Variants in MCC observed in about 807,000 individuals in gnomAD.
MCC encodes colorectal mutant cancer protein.
In MCC, 90 loss-of-function variants were observed where a neutral mutation model predicts 116.2. The ratio of observed to expected loss-of-function variants is 0.77; its 90% CI spans 0.65 to 0.92. MCC has a LOEUF of 0.92. Among genes scored for constraint, MCC ranks in the 40% least tolerant of loss-of-function variants. The probability of loss-of-function intolerance (pLI) is 0.00; values close to 1 mark genes in which losing one functional copy is unlikely to be tolerated. For synonymous variants in MCC, 578 were observed against 510.5 expected, an observed-to-expected ratio of 1.13 and a Z score of -1.78; for missense variants, 1,516 against 1,312.2, an observed-to-expected ratio of 1.16 and a Z score of -2.40.
At chr5:113,280,165 A>C (rs1018754847) in intron 3 of MCC, among the ~76,000 whole-genome samples, 5 of 152,104 alleles carry the variant, frequency 3.3e-5, no homozygotes, top group African/African-American at 1.2e-4. Context: ...CTCCAACCCC[A>C]GTTGTACTGG....
At chr5:113,364,789 G>C (rs1160773705) in intron 2 of MCC, among the ~76,000 whole-genome samples, 1 of 152,194 alleles carries the variant, frequency 6.6e-6, no homozygotes, top group Non-Finnish European at 1.5e-5. Flanking sequence ...CCATGTAGAA[G>C]CCACCAAGGC....
At chr5:113,124,976 A>C (rs1757960652) in intron 5 of MCC, among the ~76,000 whole-genome samples, 1 of 152,220 alleles carries the variant, frequency 6.6e-6, no homozygotes, top group Non-Finnish European at 1.5e-5. Flanking sequence ...ACCTAATTTC[A>C]GTTACGTCAC....
intron 1 of MCC, among the ~76,000 whole-genome samples, chr5:113,431,102 G>A (rs571482574): frequency 3.3e-5 from 5 of 152,144 alleles, no homozygotes; most frequent in Admixed American, 6.5e-5. Flanking sequence ...TATCTGCTGA[G>A]GGAGAAAGGA....
At chr5:113,327,344 C>T (rs111317274) in intron 3 of MCC, among the ~76,000 whole-genome samples, 2 of 151,402 alleles carry the variant, frequency 1.3e-5, no homozygotes, top group African/African-American at 4.9e-5. Flanking sequence ...GTCAGGAGTT[C>T]GAGAGCAGAC....
intron 3 of MCC, among the ~76,000 whole-genome samples, chr5:113,160,399 G>C (rs748182083): frequency 2.3e-4 from 35 of 152,214 alleles, no homozygotes; most frequent in Non-Finnish European, 4.0e-4. Context: ...CTATGTGCTA[G>C]ATTGCTATAC....
At chr5:113,352,203 A>T (rs1768285276) in intron 2 of MCC, among the ~76,000 whole-genome samples, 1 of 152,184 alleles carries the variant, frequency 6.6e-6, no homozygotes, top group Non-Finnish European at 1.5e-5. Flanking sequence ...ACCAACATTC[A>T]TGAGACAAAA....
chr5:113,427,816 TTA>T (rs1365158742), intron 1 of MCC, among the ~76,000 whole-genome samples: 3 of 152,176 alleles, frequency 2.0e-5, no homozygotes, highest in Non-Finnish European at 4.4e-5. Flanking sequence ...ACCACACTAA[TTA>T]ACAGCCAAGT....
chr5:113,118,764 C>G (rs922535480), intron 6 of MCC, among the ~76,000 whole-genome samples: 2 of 151,776 alleles, frequency 1.3e-5, no homozygotes, highest in Non-Finnish European at 1.5e-5. Flanking sequence ...TGGAAAATGG[C>G]GAAGGAATAA....
chr5:113,364,238 G>GAAAAAAAAAAAAAAAAAAAAAAAACA (rs60976854), intron 2 of MCC, among the ~76,000 whole-genome samples: 5 of 49,418 alleles, frequency 1.0e-4, no homozygotes, highest in African/African-American at 1.5e-4. Flanking sequence ...CTCAAAAACA[G>GAAAAAAAAAAAAAAAAAAAAAAAACA]AAAAAAAAAA....
chr5:113,258,647 C>T (rs1765108918), intron 3 of MCC, among the ~76,000 whole-genome samples: 2 of 152,210 alleles, frequency 1.3e-5, no homozygotes, highest in Admixed American at 6.5e-5. Context: ...TTGTCTTCTG[C>T]GAAAGCAGTC....
intron 6 of MCC, among the ~76,000 whole-genome samples, chr5:113,116,348 A>T (rs147275954): frequency 3.1e-4 from 47 of 152,338 alleles, no homozygotes; most frequent in Admixed American, 4.6e-4. Context: ...AAGGTCCCGA[A>T]GTTATTTCCA....
At chr5:113,070,406 A>G (rs1753956953) in intron 12 of MCC, among the ~76,000 whole-genome samples, 1 of 152,224 alleles carries the variant, frequency 6.6e-6, no homozygotes, top group African/African-American at 2.4e-5. Flanking sequence ...AGAAAAAAAA[A>G]AGTGGCCCAT....
chr5:113,053,641 C>G lies in MCC; in HGVS notation c.2448+84G>C, dbSNP rs963915525. 9.3e-6 allele frequency: 9 copies of G among 964,110 alleles called. No homozygotes were observed. In the African/African-American group the frequency reaches 9.7e-5, roughly 10 times the overall value. The allele number at this position is 964,110 out of a possible 1,614,324, so 59.7% of individuals were successfully genotyped here. ...CTCTGGGCAGGAGGGGTTGATTCCT[C>G]CTTATCTGCTGGACCTGCTTTCAGA... is the stretch of plus-strand genomic sequence containing the variant. On this transcript the variant is annotated intron_variant, in intron 15 of 18. Coordinates refer to ENST00000408903, the MANE Select transcript of MCC (RefSeq NM_001085377.2).
chr5:113,138,052 T>C (rs956685275), intron 5 of MCC, among the ~76,000 whole-genome samples: 1 of 151,576 alleles, frequency 6.6e-6, no homozygotes, highest in East Asian at 1.9e-4. Context: ...TTTTTTTCTC[T>C]GTTACCCAGG....
chr5:113,219,191 A>G (rs1763446795), intron 3 of MCC, among the ~76,000 whole-genome samples: 1 of 152,186 alleles, frequency 6.6e-6, no homozygotes, highest in African/African-American at 2.4e-5. Flanking sequence ...GGTTGTTTTA[A>G]ATGTTGGGGT....
intron 3 of MCC, among the ~76,000 whole-genome samples, chr5:113,178,543 AC>A (rs1761454494): frequency 6.6e-6 from 1 of 152,140 alleles, no homozygotes; most frequent in Admixed American, 6.5e-5. Flanking sequence ...ACAAGTGGCC[AC>A]TCAACCACAT....
intron 3 of MCC, among the ~76,000 whole-genome samples, chr5:113,164,747 G>A (rs1269394714): frequency 6.6e-6 from 1 of 152,196 alleles, no homozygotes; most frequent in East Asian, 1.9e-4. Flanking sequence ...CACATTTTGA[G>A]ATCCCATATC....
intron 5 of MCC, among the ~76,000 whole-genome samples, chr5:113,141,906 A>C (rs1759201152): frequency 6.6e-6 from 1 of 152,192 alleles, no homozygotes; most frequent in Non-Finnish European, 1.5e-5. Context: ...AAAGTGCATA[A>C]AAATCACAAA....
chr5:113,060,068 G>C (rs2150227182), intron 14 of MCC, among the ~76,000 whole-genome samples: 1 of 152,296 alleles, frequency 6.6e-6, no homozygotes, highest in East Asian at 1.9e-4. Flanking sequence ...GAAAATCCGT[G>C]ATGACATTTT....
Sources: allele counts gnomAD v4.1 joint callset (sites outside exome capture counted in the v4.1 genomes callset), GRCh38; gene constraint gnomAD v4.1.1; transcripts MANE v1.5; gene names NCBI Gene and HGNC (gene_info 2026-07-23, HGNC 2026-07-21).